Variants in RASGRF2 observed in about 807,000 individuals in gnomAD.
RASGRF2 encodes Ras protein specific guanine nucleotide releasing factor 2, also known as ras-specific guanine nucleotide-releasing factor 2.
RASGRF2 carries 76 observed loss-of-function variants against 151.0 expected under a neutral mutation model. That is an observed-to-expected ratio of 0.50 (90% CI 0.42 to 0.61). The LOEUF (loss-of-function observed/expected upper bound fraction) is 0.61. RASGRF2 is among the 20% of genes least tolerant of loss of function. RASGRF2 has a pLI of 0.00. For synonymous variants in RASGRF2, 504 were observed against 566.5 expected (o/e 0.89, Z 1.57); for missense variants, 1,148 against 1,564.6 (o/e 0.73, Z 4.49).
chr5:81,204,219 A>G (rs1755457509), intron 19 of RASGRF2: 1 of 152,268 alleles, frequency 6.6e-6, no homozygotes, highest in Admixed American at 6.5e-5. Flanking sequence ...CCAGAAGACT[A>G]GAAGCAAATC....
intron 15 of RASGRF2, among the ~76,000 whole-genome samples, chr5:81,121,110 G>A (rs1035545797): frequency 6.6e-6 from 1 of 152,178 alleles, no homozygotes; most frequent in African/African-American, 2.4e-5. Flanking sequence ...GTGTGTGTGT[G>A]TGATGTCTGT....
chr5:81,064,656 G>T (rs751801123), intron 2 of RASGRF2, among the ~76,000 whole-genome samples: 12 of 152,142 alleles, frequency 7.9e-5, no homozygotes, highest in Non-Finnish European at 1.6e-4. Context: ...GGCTTACTCT[G>T]TGACTGTGAA....
intron 1 of RASGRF2, among the ~76,000 whole-genome samples, chr5:81,023,717 C>T (rs1398491980): frequency 6.6e-6 from 1 of 152,178 alleles, no homozygotes; most frequent in African/African-American, 2.4e-5. Flanking sequence ...TTAAAGGCTG[C>T]TTTTAATTGG....
chr5:81,039,726 G>C (rs1447817106), intron 1 of RASGRF2, among the ~76,000 whole-genome samples: 1 of 150,706 alleles, frequency 6.6e-6, no homozygotes, highest in Non-Finnish European at 1.5e-5. Flanking sequence ...CTTACCATAT[G>C]TATAGGCTAA....
intron 1 of RASGRF2, among the ~76,000 whole-genome samples, chr5:80,994,721 A>G (rs1748777006): frequency 6.6e-6 from 1 of 152,314 alleles, no homozygotes. Flanking sequence ...AACATTGCCT[A>G]TGCCACAAAA....
intron 12 of RASGRF2, among the ~76,000 whole-genome samples, chr5:81,103,361 T>C (rs991526902): frequency 1.3e-5 from 2 of 152,054 alleles, no homozygotes; most frequent in African/African-American, 4.8e-5. Context: ...ATATTCTACA[T>C]ACCTATAGAA....
At chr5:81,056,886 C>T (rs974160038) in intron 2 of RASGRF2, among the ~76,000 whole-genome samples, 2 of 152,054 alleles carry the variant, frequency 1.3e-5, no homozygotes, top group Non-Finnish European at 2.9e-5. Context: ...TATGTAATGG[C>T]CTTCTTTGTC....
At chr5:81,187,746 C>T (rs556372398) in intron 18 of RASGRF2, among the ~76,000 whole-genome samples, 20 of 152,290 alleles carry the variant, frequency 1.3e-4, no homozygotes, top group Admixed American at 5.2e-4. Context: ...ATGGCCTCTA[C>T]TTAGTGTGCT....
chr5:81,127,939 A>AAAAAAAAAAAAC (rs1753507144), intron 17 of RASGRF2, among the ~76,000 whole-genome samples: 1 of 151,292 alleles, frequency 6.6e-6, no homozygotes, highest in African/African-American at 2.4e-5. Context: ...AAAAAAAAAA[A>AAAAAAAAAAAAC]AAAAAAAAGA....
intron 5 of RASGRF2, 124 bp downstream of exon 5, chr5:81,073,576 A>G: frequency 9.8e-7 from 1 of 1,019,888 alleles, no homozygotes; most frequent in Non-Finnish European, 1.3e-6. Context: ...TAGTAAAAAT[A>G]AGAAAGCTAT....
chr5:81,042,766 A>T (rs1268563414), intron 1 of RASGRF2, 111 bp from the exon 2 acceptor site: 1 of 726,102 alleles, frequency 1.4e-6, no homozygotes, highest in East Asian at 2.8e-5. Flanking sequence ...AAATTTGCAT[A>T]AGCACTGATG....
chr5:81,190,245 C>T (rs1026990336), intron 18 of RASGRF2, among the ~76,000 whole-genome samples: 2 of 152,180 alleles, frequency 1.3e-5, no homozygotes, highest in African/African-American at 2.4e-5. Flanking sequence ...CTTCTGATTT[C>T]CTGGACACAT....
chr5:81,148,935 G>T (rs928081337), intron 17 of RASGRF2, among the ~76,000 whole-genome samples: 1 of 151,942 alleles, frequency 6.6e-6, no homozygotes, highest in African/African-American at 2.4e-5. Context: ...TAGTGATAAT[G>T]CAATTAAAAC....
intron 15 of RASGRF2, among the ~76,000 whole-genome samples, chr5:81,119,846 G>C (rs1753257490): frequency 6.6e-6 from 1 of 152,206 alleles, no homozygotes; most frequent in Non-Finnish European, 1.5e-5. Context: ...AAGTGATTTA[G>C]TGTTATATTT....
intron 17 of RASGRF2, among the ~76,000 whole-genome samples, chr5:81,155,586 G>A (rs917579074): frequency 1.3e-4 from 19 of 151,162 alleles, no homozygotes; most frequent in African/African-American, 4.4e-4. Flanking sequence ...GCAAACAAAT[G>A]TTCTGTCCAA....
At chr5:81,055,369 G>A (rs1049949936) in intron 2 of RASGRF2, among the ~76,000 whole-genome samples, 1 of 152,024 alleles carries the variant, frequency 6.6e-6, no homozygotes, top group East Asian at 1.9e-4. Flanking sequence ...GCCTCTTCTG[G>A]ATCTATTGAG....
chr5:80,960,640 G>C lies in RASGRF2; in HGVS notation c.-99G>C. The C allele has an allele frequency of 8.8e-7, 1 of 1,137,962 alleles. No individual in the cohort carries two copies. The highest frequency in any genetic ancestry group is 3.9e-5 in the South Asian group (1 of 25,856). The allele number at this position is 1,137,962 out of a possible 1,614,324, so 70.5% of individuals were successfully genotyped here. On this transcript the variant is annotated 5_prime_UTR_variant, in exon 1 of 27. Coordinates refer to ENST00000265080, the MANE Select transcript of RASGRF2 (RefSeq NM_006909.3). The surrounding 1 kb of genome is among the most constrained non-coding windows in gnomAD (Gnocchi z 5.5). ...GGAAAGGGGGCGCCCTTCGCCGGCCGGGACCTGAGCGGTCGCGCCCTCGAG... is the reference window on the plus strand; with the variant it reads ...GGAAAGGGGGCGCCCTTCGCCGGCCCGGACCTGAGCGGTCGCGCCCTCGAG...
At chr5:81,094,422 AG>A in intron 11 of RASGRF2, 60 bp downstream of exon 11, 1 of 1,467,158 alleles carries the variant, frequency 6.8e-7, no homozygotes, top group Non-Finnish European at 9.4e-7. Context: ...AGAGAGGCTG[AG>A]GATAAACTCC....
chr5:81,188,181 T>C (rs1755074548), intron 18 of RASGRF2, among the ~76,000 whole-genome samples: 1 of 152,206 alleles, frequency 6.6e-6, no homozygotes, highest in Non-Finnish European at 1.5e-5. Flanking sequence ...GGTACTTTTC[T>C]GTCACACTCC....
Sources: gnomAD v4.1 joint callset for allele counts (sites outside exome capture counted in the v4.1 genomes callset) on GRCh38, gnomAD v4.1.1 for gene constraint, Gnocchi (gnomAD v3.1) non-coding constraint, MANE v1.5 for transcripts, NCBI Gene and HGNC (gene_info 2026-07-23, HGNC 2026-07-21) for gene names.